The following PRKCB variants were observed in gnomAD, a reference collection of about 807,000 sequenced individuals.
The protein encoded by PRKCB is protein kinase C beta.
In PRKCB, 13 loss-of-function variants were observed where a neutral mutation model predicts 81.5. The ratio of observed to expected loss-of-function variants is 0.16; its 90% CI spans 0.10 to 0.25. PRKCB has a LOEUF of 0.25. Among genes scored for constraint, PRKCB ranks in the 10% least tolerant of loss-of-function variants. The pLI, the probability that PRKCB is intolerant of heterozygous loss-of-function variation, is 1.00. For missense variants in PRKCB, 509 were observed against 875.7 expected (o/e 0.58, Z 5.29); for synonymous variants, 335 against 321.4 (o/e 1.04, Z -0.45).
At chr16:24,151,141 T>C (rs1021992866) in intron 9 of PRKCB, among the ~76,000 whole-genome samples, 1 of 152,178 alleles carries the variant, frequency 6.6e-6, no homozygotes, top group Non-Finnish European at 1.5e-5. Context: ...TGTGTCTCCT[T>C]TTACTCTTTC....
At chr16:23,888,201 C>T (rs1364550321) in intron 2 of PRKCB, among the ~76,000 whole-genome samples, 1 of 152,232 alleles carries the variant, frequency 6.6e-6, no homozygotes, top group African/African-American at 2.4e-5. Context: ...AATCAATGCT[C>T]TCTCTAGTTT....
rs144891284 is a variant in PRKCB, at chr16:24,218,021, T to C, written c.*3205T>C. 1 of 985,396 alleles carries C rather than the reference T, an allele frequency of 1.0e-6. No homozygotes were observed. The highest frequency in any genetic ancestry group is 1.2e-6 in the Non-Finnish European group (1 of 829,914). The allele number at this position is 985,396 out of a possible 1,614,324, so 61.0% of individuals were successfully genotyped here. The stretch of plus-strand genomic sequence containing the variant: ...AAGGATAGAGGCATATCCCAAGTCT[T>C]CCTTCATTCCACAAATAATTACAAA... On this transcript the variant is annotated 3_prime_UTR_variant, in exon 17 of 17. Transcript: ENST00000643927.
At position 23,875,500 on chromosome 16, in the gene PRKCB, T is replaced by TA. The variant is rs1962982460; in HGVS notation, c.205+38095dup. ...AAAAAGATATATATATATATATATA[T>TA]ATATATGATGTATATCACACACATA... On this transcript the variant is annotated intron_variant, in intron 2 of 16. Transcript: ENST00000643927. Among the ~76,000 whole-genome samples, 3 of 81,934 alleles carry TA rather than the reference T, an allele frequency of 3.7e-5. 1 individual carries two copies. Among genetic ancestry groups the TA allele is most frequent in the Admixed American group, 1.2e-4 (1 of 8,074 alleles). 53.8% of individuals were successfully genotyped at this position (81,934 alleles called of 152,430 possible).
intron 10 of PRKCB, among the ~76,000 whole-genome samples, chr16:24,170,030 C>A (rs1260367147): frequency 6.6e-6 from 1 of 152,182 alleles, no homozygotes; most frequent in Non-Finnish European, 1.5e-5. Context: ...GATCTGCCCG[C>A]CTCAGTCTCC....
At chr16:23,944,706 G>C (rs183400446) in intron 2 of PRKCB, among the ~76,000 whole-genome samples, 219 of 152,268 alleles carry the variant, frequency 1.4e-3, no homozygotes, top group African/African-American at 5.1e-3. Context: ...CCTCACAAAG[G>C]GTGCAGTGTC....
chr16:24,035,687 T>G, intron 5 of PRKCB, 140 bp downstream of exon 5: 1 of 1,002,558 alleles, frequency 1.0e-6, no homozygotes, highest in Non-Finnish European at 1.4e-6. Flanking sequence ...GCACTGCTTC[T>G]GCCCCATGCC....
intron 7 of PRKCB, among the ~76,000 whole-genome samples, chr16:24,111,640 G>GAA (rs34944521): frequency 0.5 from 72,505 of 146,176 alleles, 18,693 homozygotes; most frequent in Non-Finnish European, 0.58. Flanking sequence ...AGAAAAAAAA[G>GAA]AAAAAAAAAA....
At chr16:23,967,430 G>T (rs1339134059) in intron 2 of PRKCB, among the ~76,000 whole-genome samples, 2 of 152,208 alleles carry the variant, frequency 1.3e-5, no homozygotes, top group African/African-American at 2.4e-5. Flanking sequence ...TTTGAAGCCA[G>T]AAAATTAATG....
chr16:23,999,815 T>G (rs1338458140), intron 3 of PRKCB, among the ~76,000 whole-genome samples: 1 of 152,176 alleles, frequency 6.6e-6, no homozygotes, highest in Non-Finnish European at 1.5e-5. Context: ...TCAAGTGAGG[T>G]ACTTTCCCTG....
chr16:24,194,593 T>C (rs1291445702), intron 16 of PRKCB, among the ~76,000 whole-genome samples: 1 of 152,224 alleles, frequency 6.6e-6, no homozygotes, highest in African/African-American at 2.4e-5. Context: ...TGAATAGCCC[T>C]GCTAAGCAGT....
At chr16:23,912,796 A>G (rs1319372789) in intron 2 of PRKCB, among the ~76,000 whole-genome samples, 6 of 141,622 alleles carry the variant, frequency 4.2e-5, no homozygotes, top group Non-Finnish European at 6.3e-5. Context: ...TACAGGTGTG[A>G]GCCACCGTGC....
rs1555501178 is a variant in PRKCB, at chr16:24,182,873, T to TGTGTGTGTGTGTGTGTGTG, written c.1533+1945_1533+1946insGTGTGTGTGTGTGTGTGTG. Among the ~76,000 whole-genome samples the TGTGTGTGTGTGTGTGTGTG allele has an allele frequency of 7.4e-3, 985 of 133,606 alleles. 17 individuals are homozygous for TGTGTGTGTGTGTGTGTGTG. The highest frequency in any genetic ancestry group is 0.028 in the African/African-American group (916 of 32,636). The allele number at this position is 133,606 out of a possible 152,430, so 87.7% of individuals were successfully genotyped here. ...ATGCTTGGGCATCCCACATTGTTTC[T>TGTGTGTGTGTGTGTGTGTG]TGTGTGTGTGTGTGTGTGTGTGTGT... On this transcript the variant is annotated intron_variant, in intron 13 of 16. Coordinates refer to ENST00000643927, the MANE Select transcript of PRKCB (RefSeq NM_002738.7).
intron 7 of PRKCB, 35 bp downstream of exon 7, chr16:24,094,332 G>T: frequency 6.2e-7 from 1 of 1,603,664 alleles, no homozygotes; most frequent in South Asian, 1.1e-5. Context: ...CTACCATACA[G>T]CTTGCTCCAT....
intron 16 of PRKCB, among the ~76,000 whole-genome samples, chr16:24,212,654 A>G (rs894417551): frequency 9.9e-5 from 15 of 151,352 alleles, no homozygotes; most frequent in Admixed American, 2.0e-4. Context: ...TTTTTTAAAG[A>G]CAGGGTTTTG....
chr16:24,196,572 T>C (rs1414097797), intron 16 of PRKCB, among the ~76,000 whole-genome samples: 1 of 152,216 alleles, frequency 6.6e-6, no homozygotes, highest in African/African-American at 2.4e-5. Flanking sequence ...GTGTTACAGA[T>C]GCCATGATGT....
At position 23,988,536 on chromosome 16, in the gene PRKCB, C is replaced by T; in HGVS notation, c.234C>T (p.Cys78=). 1 of 1,614,114 alleles carries T rather than the reference C, an allele frequency of 6.2e-7. No individual in the cohort carries two copies. The highest frequency in any genetic ancestry group is 8.5e-7 in the Non-Finnish European group (1 of 1,179,980). Residue 78 remains cysteine, a synonymous_variant, in exon 3 of 17, where the codon TGC becomes TGT. Transcript: ENST00000643927. The part of the protein sequence containing the change: ...QVCCFVVHKR[C]HEFVTFSCPG... ...GCTGCTTTGTGGTGCACAAGCGGTGCCATGAATTTGTCACATTCTCCTGCC... is the reference window on the plus strand; with the variant it reads ...GCTGCTTTGTGGTGCACAAGCGGTGTCATGAATTTGTCACATTCTCCTGCC...
At chr16:24,213,506 T>A (rs775773489) in intron 16 of PRKCB, among the ~76,000 whole-genome samples, 1 of 152,334 alleles carries the variant, frequency 6.6e-6, no homozygotes, top group South Asian at 2.1e-4. Flanking sequence ...ATAGGGCCAT[T>A]GGGAAGATTA....
At chr16:23,970,492 C>A (rs992934693) in intron 2 of PRKCB, among the ~76,000 whole-genome samples, 1 of 152,112 alleles carries the variant, frequency 6.6e-6, no homozygotes, top group Non-Finnish European at 1.5e-5. Context: ...GAATTGTGTG[C>A]GAAATGTGGG....
At chr16:24,180,681 T>TG (rs1967605229) in intron 12 of PRKCB, 109 bp from the exon 13 acceptor site, 3 of 1,347,214 alleles carry the variant, frequency 2.2e-6, no homozygotes, top group Non-Finnish European at 3.1e-6. Context: ...TACTGACCTT[T>TG]GTGCCCACAC....
Sources: allele counts gnomAD v4.1 joint callset (sites outside exome capture counted in the v4.1 genomes callset), GRCh38; gene constraint gnomAD v4.1.1; transcripts MANE v1.5; gene names NCBI Gene and HGNC (gene_info 2026-07-23, HGNC 2026-07-21).